ZNF729: variants seen among roughly 807,000 people sequenced by gnomAD.
The protein encoded by ZNF729 is zinc finger protein 729.
In ZNF729, 15 loss-of-function variants were observed where a neutral mutation model predicts 12.2. That is an observed-to-expected ratio of 1.23 (90% CI 0.82 to 1.89). The LOEUF is 1.89. ZNF729 is among the 40% of genes most tolerant of loss of function. The pLI is 0.00. For missense variants in ZNF729, 1,540 were observed against 1,456.7 expected (o/e 1.06, Z -0.93); for synonymous variants, 492 against 476.3 (o/e 1.03, Z -0.43).
At chr19:22,312,472 GTGTGTT>G (rs1190106335) in intron 3 of ZNF729, among the ~76,000 whole-genome samples, 1 of 131,834 alleles carries the variant, frequency 7.6e-6, no homozygotes, top group African/African-American at 2.6e-5. Context: ...GTGTGTGTGT[GTGTGTT>G]TAGATAAAGA....
At position 22,316,205 on chromosome 19, in the gene ZNF729, C is replaced by T; in HGVS notation, c.2788C>T (p.His930Tyr). Residue 930 changes from histidine (H) to tyrosine (Y), a missense_variant, in exon 4 of 4, where the codon CAT becomes TAT. Transcript: ENST00000601693. ...FSALRKHKII[H>Y]TGKKPYKCEE... ...AGCCCTTAGAAAACATAAGATAATT[C>T]ATACTGGAAAGAAACCCTACAAATG... is the stretch of plus-strand genomic sequence containing the variant. The T allele has an allele frequency of 3.7e-6, 6 of 1,613,030 alleles. No individual in the cohort carries two copies. Among genetic ancestry groups the T allele is most frequent in the Non-Finnish European group, 5.1e-6 (6 of 1,179,538 alleles).
intron 3 of ZNF729, among the ~76,000 whole-genome samples, chr19:22,307,999 T>G (rs956565005): frequency 9.9e-5 from 15 of 151,992 alleles, no homozygotes; most frequent in Admixed American, 5.3e-4. Flanking sequence ...ATTTGTAGTC[T>G]TTTATCCCTC....
intron 3 of ZNF729, among the ~76,000 whole-genome samples, chr19:22,313,188 AC>A (rs1426668558): frequency 2.0e-5 from 3 of 152,010 alleles, no homozygotes; most frequent in African/African-American, 7.3e-5. Context: ...AGTAGTTGGG[AC>A]TACAGACGTG....
chr19:22,313,345 C>G (rs1968474380), intron 3 of ZNF729, among the ~76,000 whole-genome samples: 1 of 152,206 alleles, frequency 6.6e-6, no homozygotes, highest in South Asian at 2.1e-4. Context: ...AACTGCTATT[C>G]CCAGTCAGCA....
intron 2 of ZNF729, among the ~76,000 whole-genome samples, 162 bp from the exon 3 acceptor site, chr19:22,304,526 G>T (rs986740014): frequency 6.6e-6 from 1 of 151,860 alleles, no homozygotes; most frequent in Non-Finnish European, 1.5e-5. Context: ...TAAAATTAAG[G>T]GCCTGTACAA....
Position 22,316,927 on chromosome 19 carries a change from C to G in ZNF729, c.3510C>G (p.Asn1170Lys), listed in dbSNP as rs1248180516. Reference protein sequence around the residue: ...YKCEECGKAFNQSSHLTRHKT... With the variant: ...YKCEECGKAFKQSSHLTRHKT... ...GTGAAGAATGTGGCAAAGCCTTTAA[C>G]CAGTCCTCACACCTTACTAGACACA... is the stretch of plus-strand genomic sequence containing the variant. The change falls in exon 4 of 4, where the codon AAC (asparagine) becomes AAG (lysine). Residue 1170 changes from asparagine (N) to lysine (K), a missense_variant. Physicochemically the swap from Asn to Lys is moderately conservative, Grantham distance 94. Coordinates refer to ENST00000601693, the MANE Select transcript of ZNF729 (RefSeq NM_001242680.2). 5.0e-6 allele frequency: 8 copies of G among 1,612,094 alleles called. No homozygotes were observed. The highest frequency in any genetic ancestry group is 1.3e-5 in the African/African-American group (1 of 74,586).
In ZNF729 at chr19:22,317,035, TAAAAC is replaced by T; in HGVS notation, c.3621_3625del (p.Lys1207AsnfsTer38). ...TTCAGTGCTCATACCTTATTAGACATAAAACAATTCATACCAGAGAGAAACCTACA... is the reference window on the plus strand; with the variant it reads ...TTCAGTGCTCATACCTTATTAGACATAATTCATACCAGAGAGAAACCTACA... On this transcript the variant is annotated frameshift_variant, in exon 4 of 4. Transcript: ENST00000601693. LOFTEE classifies it low-confidence loss of function (END_TRUNC). 1 of 1,607,420 alleles carries T rather than the reference TAAAAC, an allele frequency of 6.2e-7. No individual in the cohort carries two copies. The highest frequency in any genetic ancestry group is 8.5e-7 in the Non-Finnish European group (1 of 1,179,154).
intron 1 of ZNF729, among the ~76,000 whole-genome samples, chr19:22,293,012 C>T (rs753243929): frequency 6.6e-6 from 1 of 152,156 alleles, no homozygotes; most frequent in Admixed American, 6.6e-5. Flanking sequence ...TTCTCTGAAA[C>T]CTTGCCAGCA....
chr19:22,307,247 C>T (rs1968389759), intron 3 of ZNF729, among the ~76,000 whole-genome samples: 1 of 148,664 alleles, frequency 6.7e-6, no homozygotes, highest in African/African-American at 2.5e-5. Flanking sequence ...CTGAAGTTAT[C>T]TGACTGCCTT....
At chr19:22,303,920 T>C (rs1968347612) in intron 2 of ZNF729, 36 bp downstream of exon 2, 1 of 1,524,488 alleles carries the variant, frequency 6.6e-7, no homozygotes, top group African/African-American at 1.4e-5. Flanking sequence ...TCCTATTATA[T>C]TCTATAGGTT....
intron 1 of ZNF729, chr19:22,299,964 A>T (rs1453466430): frequency 6.6e-6 from 1 of 152,248 alleles, no homozygotes; most frequent in Non-Finnish European, 1.5e-5. Context: ...GGCAGATGGT[A>T]GTGGTCAAGA....
At chr19:22,297,534 T>C (rs578033961) in intron 1 of ZNF729, among the ~76,000 whole-genome samples, 2 of 152,118 alleles carry the variant, frequency 1.3e-5, no homozygotes, top group Admixed American at 1.3e-4. Context: ...TTTTCTCTAC[T>C]TTTTTGAAAT....
chr19:22,307,752 A>G (rs1968398151), intron 3 of ZNF729, among the ~76,000 whole-genome samples: 1 of 150,752 alleles, frequency 6.6e-6, no homozygotes, highest in Admixed American at 6.6e-5. Context: ...AAAAAAAAAA[A>G]AAAGCATATT....
In ZNF729 at chr19:22,317,023, C is replaced by T. The variant is rs1258935730; in HGVS notation, c.3606C>T (p.Tyr1202=). Residue 1202 remains tyrosine (Y), a synonymous_variant, in exon 4 of 4, where the codon TAC becomes TAT. Coordinates refer to ENST00000601693, the MANE Select transcript of ZNF729 (RefSeq NM_001242680.2). ...GCAAAGCTTTTATTCAGTGCTCATA[C>T]CTTATTAGACATAAAACAATTCATA... ...ECGKAFIQCS[Y]LIRHKTIHTR... is the part of the protein sequence containing the mutation. 2 of 1,611,066 alleles carry T rather than the reference C, an allele frequency of 1.2e-6. No individual in the cohort carries two copies. The highest frequency in any genetic ancestry group is 2.2e-5 in the East Asian group (1 of 44,822).
At chr19:22,301,840 T>G (rs574370129) in intron 1 of ZNF729, among the ~76,000 whole-genome samples, 1 of 152,430 alleles carries the variant, frequency 6.6e-6, no homozygotes, top group African/African-American at 2.4e-5. Context: ...GAGTAGAGTA[T>G]TGTTATTTCT....
intron 1 of ZNF729, among the ~76,000 whole-genome samples, chr19:22,293,693 C>T (rs1968187022): frequency 5.3e-5 from 8 of 151,820 alleles, no homozygotes. Context: ...AGGGTTTCAT[C>T]ATGTTGGCCA....
intron 3 of ZNF729, among the ~76,000 whole-genome samples, chr19:22,312,575 T>C (rs572846620): frequency 1.3e-5 from 2 of 152,212 alleles, no homozygotes; most frequent in African/African-American, 4.8e-5. Context: ...TGCTGTAACA[T>C]CTAACTTTGG....
At position 22,314,376 on chromosome 19, in the gene ZNF729, A is replaced by G. The variant is rs1217528003; in HGVS notation, c.959A>G (p.Tyr320Cys). 1 of 1,593,900 alleles carries G rather than the reference A, an allele frequency of 6.3e-7. No homozygotes were observed. The highest frequency in any genetic ancestry group is 8.6e-7 in the Non-Finnish European group (1 of 1,167,500). The part of the protein sequence containing the change: ...HKVIHTAEKP[Y>C]KCEDCGKTFN... ...GTAATTCATACTGCAGAGAAACCCT[A>G]CAAATGTGAAGATTGTGGCAAAACT... The change falls in exon 4 of 4, where the codon TAC (tyrosine) becomes TGC (cysteine). Residue 320 changes from tyrosine (Y) to cysteine (C), a missense_variant. Physicochemically the swap from Tyr to Cys is radical, Grantham distance 194. Coordinates refer to ENST00000601693, the MANE Select transcript of ZNF729 (RefSeq NM_001242680.2).
Position 22,314,116 on chromosome 19 carries a change from C to A in ZNF729, c.699C>A (p.Asp233Glu). 3 of 1,550,224 alleles carry A rather than the reference C, an allele frequency of 1.9e-6. No homozygotes were observed. The highest frequency in any genetic ancestry group is 2.6e-6 in the Non-Finnish European group (3 of 1,148,682). The stretch of plus-strand genomic sequence containing the variant: ...AACATAAGATAATTCATACTGAAGA[C>A]AAACCTTACAAATATAAGAAATGTG... ...LTKHKIIHTE[D>E]KPYKYKKCGN... The change falls in exon 4 of 4, where the codon GAC becomes GAA. Residue 233 changes from aspartate (D) to glutamate (E), a missense_variant. By Grantham distance (45) the Asp-to-Glu change is conservative (BLOSUM62 2). Coordinates refer to ENST00000601693, the MANE Select transcript of ZNF729 (RefSeq NM_001242680.2).
Sources: gnomAD v4.1 joint callset for allele counts (sites outside exome capture counted in the v4.1 genomes callset) on GRCh38, gnomAD v4.1.1 for gene constraint, MANE v1.5 for transcripts, NCBI Gene and HGNC (gene_info 2026-07-23, HGNC 2026-07-21) for gene names.